MALRD1: variants seen among roughly 807,000 people sequenced by gnomAD.
The protein encoded by MALRD1 is MAM and LDL-receptor class A domain-containing protein 1.
MALRD1 carries 247 observed loss-of-function variants against 242.1 expected under a neutral mutation model. The observed-to-expected ratio is 1.02, with a 90% CI of 0.92 to 1.13. MALRD1 has a LOEUF of 1.13. MALRD1 is among the 50% of genes most tolerant of loss of function. The pLI, the probability that MALRD1 is intolerant of heterozygous loss-of-function variation, is 0.00. For synonymous variants in MALRD1, 995 were observed against 866.6 expected (o/e 1.15, Z -2.60); for missense variants, 2,989 against 2,533.1 (o/e 1.18, Z -3.86).
chr10:19,418,648 GAC>G (rs1341413204), intron 28 of MALRD1, among the ~76,000 whole-genome samples: 1 of 152,080 alleles, frequency 6.6e-6, no homozygotes, highest in African/African-American at 2.4e-5. Flanking sequence ...GCAAAATTAA[GAC>G]ATCATATTTT....
Position 19,692,111 on chromosome 10 carries a change from A to G in MALRD1, c.6138-171A>G, listed in dbSNP as rs577850277. On this transcript the variant is annotated intron_variant, in intron 36 of 39. Coordinates refer to ENST00000454679, the MANE Select transcript of MALRD1 (RefSeq NM_001142308.3). ...TACACAATGATATGAAAATAATACA[A>G]TTTAATTTTGGTTTTGCTTTGGCTT... Among the ~76,000 whole-genome samples the G allele has an allele frequency of 1.6e-3, 241 of 152,252 alleles. 1 individual carries two copies. Among genetic ancestry groups the G allele is most frequent in the African/African-American group, 5.3e-3 (220 of 41,556 alleles).
intron 32 of MALRD1, among the ~76,000 whole-genome samples, chr10:19,539,628 T>A (rs1834844415): frequency 6.6e-6 from 1 of 152,120 alleles, no homozygotes; most frequent in African/African-American, 2.4e-5. Context: ...GTATTTGTCT[T>A]ACCAATAGTT....
intron 10 of MALRD1, among the ~76,000 whole-genome samples, chr10:19,137,547 C>T (rs887302407): frequency 2.7e-5 from 4 of 147,298 alleles, no homozygotes; most frequent in African/African-American, 7.6e-5. Flanking sequence ...TGGAGGTTGC[C>T]GTGAGCTGAG....
At chr10:19,488,155 C>T (rs1006794522) in intron 29 of MALRD1, among the ~76,000 whole-genome samples, 1 of 152,132 alleles carries the variant, frequency 6.6e-6, no homozygotes, top group African/African-American at 2.4e-5. Context: ...TGTCATTTGA[C>T]TACATATCTG....
chr10:19,270,952 T>C (rs1840205353), intron 19 of MALRD1, among the ~76,000 whole-genome samples: 1 of 151,938 alleles, frequency 6.6e-6, no homozygotes, highest in African/African-American at 2.4e-5. Context: ...ACCAGGGATG[T>C]GATGAAAAAT....
At chr10:19,483,415 G>T (rs1837100815) in intron 29 of MALRD1, among the ~76,000 whole-genome samples, 1 of 151,974 alleles carries the variant, frequency 6.6e-6, no homozygotes, top group Admixed American at 6.6e-5. Context: ...TGCAACAAAG[G>T]TCTAATATTC....
In MALRD1 at chr10:19,691,310, A is replaced by G. The variant is rs1195451882; in HGVS notation, c.6138-972A>G. ...GCCTCCATGAACCTCCACGCTTTTT[A>G]TATTTAAAGAAGCTGATTGCTTTTG... On this transcript the variant is annotated intron_variant, in intron 36 of 39. Coordinates refer to ENST00000454679, the MANE Select transcript of MALRD1 (RefSeq NM_001142308.3). Among the ~76,000 whole-genome samples, 4 of 152,214 alleles carry G rather than the reference A, an allele frequency of 2.6e-5. No homozygotes were observed. In the East Asian group the frequency reaches 7.7e-4, roughly 29 times the overall value.
At chr10:19,647,973 T>C (rs542527121) in intron 36 of MALRD1, among the ~76,000 whole-genome samples, 92 of 152,208 alleles carry the variant, frequency 6.0e-4, no homozygotes, top group African/African-American at 2.1e-3. Context: ...AATTTCCCAA[T>C]TGTGGCACAG....
chr10:19,562,321 ATAGATAGATAGATAGATAGATAGT>A (rs1212011055), intron 32 of MALRD1, among the ~76,000 whole-genome samples: 81 of 151,406 alleles, frequency 5.3e-4, no homozygotes, highest in African/African-American at 2.0e-3. Context: ...AGATAGATAG[ATAGATAGATAGATAGATAGATAGT>A]TAGATAGATA....
intron 19 of MALRD1, among the ~76,000 whole-genome samples, chr10:19,266,104 A>G (rs1423333558): frequency 2.0e-5 from 3 of 150,368 alleles, no homozygotes; most frequent in African/African-American, 7.3e-5. Context: ...CTGTGTCCTC[A>G]AAGTGGAAGT....
At chr10:19,507,657 G>A (rs1478100028) in intron 31 of MALRD1, among the ~76,000 whole-genome samples, 3 of 152,068 alleles carry the variant, frequency 2.0e-5, no homozygotes, top group African/African-American at 7.2e-5. Flanking sequence ...ACAAATTTCT[G>A]TTTAATATTG....
chr10:19,372,025 A>T (rs1285814466), intron 26 of MALRD1, among the ~76,000 whole-genome samples: 3 of 152,216 alleles, frequency 2.0e-5, no homozygotes, highest in Non-Finnish European at 4.4e-5. Flanking sequence ...AACACATACA[A>T]GTGAACAATT....
At chr10:19,102,220 A>T (rs1412444151) in intron 4 of MALRD1, among the ~76,000 whole-genome samples, 2 of 150,618 alleles carry the variant, frequency 1.3e-5, no homozygotes, top group African/African-American at 4.9e-5. Context: ...GATCCTAGCT[A>T]TATCTTGGAT....
intron 36 of MALRD1, among the ~76,000 whole-genome samples, chr10:19,639,322 T>A (rs1423451410): frequency 6.6e-6 from 1 of 152,170 alleles, no homozygotes; most frequent in East Asian, 1.9e-4. Flanking sequence ...CTCTAAGGGA[T>A]CTTGATTAGG....
intron 38 of MALRD1, among the ~76,000 whole-genome samples, chr10:19,712,153 C>G (rs771413237): frequency 6.6e-6 from 1 of 152,074 alleles, no homozygotes; most frequent in Non-Finnish European, 1.5e-5. Flanking sequence ...CTCTATGGAA[C>G]ACTTGGGTCA....
At chr10:19,094,763 A>G (rs576817127) in intron 4 of MALRD1, among the ~76,000 whole-genome samples, 1 of 152,228 alleles carries the variant, frequency 6.6e-6, no homozygotes, top group African/African-American at 2.4e-5. Flanking sequence ...TATTCATTTC[A>G]TAGATAAACT....
intron 18 of MALRD1, among the ~76,000 whole-genome samples, chr10:19,231,846 T>C (rs2131698575): frequency 6.6e-6 from 1 of 152,276 alleles, no homozygotes; most frequent in East Asian, 1.9e-4. Context: ...GTTTTTGTTT[T>C]TTTTCTAGCC....
Position 19,205,266 on chromosome 10 carries a change from G to T in MALRD1, c.2578+1G>T. ...GATCGTACTGATGAAGTCAACTGTGGTAAGTTCTTTTTGGTTGGGGGATTC... is the reference window on the plus strand; with the variant it reads ...GATCGTACTGATGAAGTCAACTGTGTTAAGTTCTTTTTGGTTGGGGGATTC... On this transcript the variant is annotated splice_donor_variant, in intron 17 of 39. Transcript: ENST00000454679. LOFTEE classifies it high-confidence loss of function. 1 of 1,535,948 alleles carries T rather than the reference G, an allele frequency of 6.5e-7. No individual in the cohort carries two copies. The highest frequency in any genetic ancestry group is 8.8e-7 in the Non-Finnish European group (1 of 1,140,076).
intron 36 of MALRD1, among the ~76,000 whole-genome samples, chr10:19,627,676 A>G (rs1207498238): frequency 1.3e-5 from 2 of 150,958 alleles, no homozygotes; most frequent in Admixed American, 1.3e-4. Context: ...TAGGAGAATC[A>G]CTTGAACACG....
Sources: allele counts gnomAD v4.1 joint callset (sites outside exome capture counted in the v4.1 genomes callset), GRCh38; gene constraint gnomAD v4.1.1; transcripts MANE v1.5; gene names NCBI Gene and HGNC (gene_info 2026-07-23, HGNC 2026-07-21).